The following SORCS2 variants were observed in gnomAD, a reference collection of about 807,000 sequenced individuals.
The protein encoded by SORCS2 is sortilin related VPS10 domain containing receptor 2.
A neutral mutation model predicts 141.6 loss-of-function variants in SORCS2; 100 were observed. The ratio of observed to expected loss-of-function variants is 0.71; its 90% CI spans 0.60 to 0.83. SORCS2 has a LOEUF of 0.83. Among genes scored for constraint, SORCS2 ranks in the 40% least tolerant of loss-of-function variants. The pLI is 0.00. For synonymous variants in SORCS2, 789 were observed against 676.9 expected (o/e 1.17, Z -2.57); for missense variants, 1,646 against 1,560.2 (o/e 1.05, Z -0.93).
intron 2 of SORCS2, among the ~76,000 whole-genome samples, chr4:7,520,857 A>G (rs1733284791): frequency 6.6e-6 from 1 of 152,178 alleles, no homozygotes; most frequent in African/African-American, 2.4e-5. Context: ...GCTGCAGTCA[A>G]GGTCCAGCTG....
At chr4:7,620,474 T>C (rs1026385976) in intron 3 of SORCS2, among the ~76,000 whole-genome samples, 2 of 152,204 alleles carry the variant, frequency 1.3e-5, no homozygotes, top group Admixed American at 1.3e-4. Context: ...TGTCCATCTG[T>C]GGACTGCCTG....
intron 3 of SORCS2, among the ~76,000 whole-genome samples, chr4:7,561,396 C>G (rs781392455): frequency 6.6e-6 from 1 of 152,100 alleles, no homozygotes; most frequent in Non-Finnish European, 1.5e-5. Context: ...ATCCATACAT[C>G]CATCTACCCA....
intron 3 of SORCS2, among the ~76,000 whole-genome samples, chr4:7,590,307 G>A (rs2359804): frequency 0.43 from 64,581 of 151,818 alleles, 14,418 homozygotes; most frequent in East Asian, 0.83. Flanking sequence ...TTTGATTACC[G>A]AATGAGTCAT....
intron 1 of SORCS2, among the ~76,000 whole-genome samples, chr4:7,282,073 C>G (rs1247062543): frequency 6.6e-6 from 1 of 152,210 alleles, no homozygotes; most frequent in African/African-American, 2.4e-5. Flanking sequence ...CAGACTCATT[C>G]TAACCACAGG....
At chr4:7,512,567 C>T (rs1270851422) in intron 2 of SORCS2, among the ~76,000 whole-genome samples, 3 of 152,090 alleles carry the variant, frequency 2.0e-5, no homozygotes, top group Admixed American at 1.3e-4. Flanking sequence ...GATTGGGCCC[C>T]TCCCCCAACC....
At chr4:7,612,095 G>T (rs762595168) in intron 3 of SORCS2, among the ~76,000 whole-genome samples, 1 of 152,200 alleles carries the variant, frequency 6.6e-6, no homozygotes, top group Non-Finnish European at 1.5e-5. Flanking sequence ...AGGAGTCATG[G>T]GGCCTGGGTG....
chr4:7,406,262 A>C (rs917479191), intron 2 of SORCS2, among the ~76,000 whole-genome samples: 1 of 151,460 alleles, frequency 6.6e-6, no homozygotes, highest in African/African-American at 2.4e-5. Context: ...TGAGTTTGGA[A>C]GTATTCCCTC....
chr4:7,480,087 GA>G (rs71936599), intron 2 of SORCS2, among the ~76,000 whole-genome samples: 11,399 of 152,278 alleles, frequency 0.075, 684 homozygotes, highest in South Asian at 0.25. Flanking sequence ...CTTTGGGCAG[GA>G]AGCCCCCTTC....
chr4:7,453,094 G>T (rs1000598499), intron 2 of SORCS2, among the ~76,000 whole-genome samples: 1 of 144,362 alleles, frequency 6.9e-6, no homozygotes, highest in African/African-American at 2.6e-5. Flanking sequence ...CTGTGTTGGG[G>T]TCAGGCACTG....
chr4:7,571,888 G>A (rs1292629730), intron 3 of SORCS2, among the ~76,000 whole-genome samples: 3 of 152,268 alleles, frequency 2.0e-5, no homozygotes, highest in East Asian at 3.9e-4. Flanking sequence ...CCCCCCTCGC[G>A]GTGCCAGAGC....
chr4:7,312,022 C>T (rs1342596879), intron 1 of SORCS2, among the ~76,000 whole-genome samples: 3 of 151,982 alleles, frequency 2.0e-5, no homozygotes, highest in Non-Finnish European at 2.9e-5. Context: ...ATTACAGGCA[C>T]GCACCACCAC....
In SORCS2 at chr4:7,531,632, AGGT is replaced by A. The variant is rs775763632; in HGVS notation, c.648+5_648+7del. 437 of 1,613,050 alleles carry A rather than the reference AGGT, an allele frequency of 2.7e-4. No homozygotes were observed. The highest frequency in any genetic ancestry group is 3.3e-4 in the Non-Finnish European group (386 of 1,179,568). ...TCTGCCCGACCAACAAGAGGAAGGT[AGGT>A]GCTGGCTGGGGGTGGCCGCCACTCT... On this transcript the variant is annotated splice_donor_5th_base_variant and intron_variant, in intron 3 of 26. Coordinates refer to ENST00000507866, the MANE Select transcript of SORCS2 (RefSeq NM_020777.3).
chr4:7,313,260 G>A (rs1175679419), intron 1 of SORCS2, among the ~76,000 whole-genome samples: 1 of 152,264 alleles, frequency 6.6e-6, no homozygotes, highest in Non-Finnish European at 1.5e-5. Flanking sequence ...GCATGATCTG[G>A]TTTGGATGCT....
chr4:7,302,144 C>T (rs942268861), intron 1 of SORCS2, among the ~76,000 whole-genome samples: 4 of 152,222 alleles, frequency 2.6e-5, no homozygotes, highest in Non-Finnish European at 4.4e-5. Flanking sequence ...TGGTCTCATC[C>T]GTGATACCTG....
At chr4:7,528,067 C>G (rs921983279) in intron 2 of SORCS2, among the ~76,000 whole-genome samples, 1 of 151,280 alleles carries the variant, frequency 6.6e-6, no homozygotes, top group Non-Finnish European at 1.5e-5. Flanking sequence ...CTCTCTCCCC[C>G]CAACACCAGC....
intron 3 of SORCS2, among the ~76,000 whole-genome samples, chr4:7,629,567 C>G (rs984035196): frequency 2.0e-5 from 3 of 151,902 alleles, no homozygotes; most frequent in Non-Finnish European, 2.9e-5. Flanking sequence ...CCCAACCCCC[C>G]TCGCTCCCCA....
intron 1 of SORCS2, among the ~76,000 whole-genome samples, chr4:7,317,971 C>G (rs1431491868): frequency 6.6e-6 from 1 of 152,232 alleles, no homozygotes; most frequent in Admixed American, 6.5e-5. Context: ...AAACTTCCAG[C>G]AAACGTCTGG....
chr4:7,565,283 T>A (rs1714888467), intron 3 of SORCS2, among the ~76,000 whole-genome samples: 1 of 151,668 alleles, frequency 6.6e-6, no homozygotes, highest in Admixed American at 6.6e-5. Flanking sequence ...GGCTCAGAAG[T>A]GAGAGGATTA....
At chr4:7,518,167 A>G (rs571533121) in intron 2 of SORCS2, among the ~76,000 whole-genome samples, 1 of 152,278 alleles carries the variant, frequency 6.6e-6, no homozygotes. Flanking sequence ...TTGTTTCATT[A>G]TTTTTAAAGG....
Sources: allele counts gnomAD v4.1 joint callset (sites outside exome capture counted in the v4.1 genomes callset), GRCh38; gene constraint gnomAD v4.1.1; transcripts MANE v1.5; gene names NCBI Gene and HGNC (gene_info 2026-07-23, HGNC 2026-07-21).